Variants in ADCY3 observed in about 807,000 individuals in gnomAD.
The protein encoded by ADCY3 is adenylate cyclase 3.
ADCY3 carries 70 observed loss-of-function variants against 119.4 expected under a neutral mutation model. The ratio of observed to expected loss-of-function variants is 0.59; its 90% CI spans 0.48 to 0.72. The LOEUF is 0.72. Among genes scored for constraint, ADCY3 ranks in the 30% least tolerant of loss-of-function variants. The probability of loss-of-function intolerance (pLI) is 0.00; values close to 1 mark genes in which losing one functional copy is unlikely to be tolerated. For synonymous variants in ADCY3, 672 were observed against 621.4 expected (o/e 1.08, Z -1.21); for missense variants, 1,238 against 1,541.6 (o/e 0.80, Z 3.30).
At chr2:24,881,966 G>A (rs771115299) in intron 2 of ADCY3, among the ~76,000 whole-genome samples, 7 of 152,240 alleles carry the variant, frequency 4.6e-5, no homozygotes, top group Non-Finnish European at 1.0e-4. Context: ...CGGAGCCAAC[G>A]TCAAGAAACC....
chr2:24,825,974 T>C, intron 16 of ADCY3, 71 bp downstream of exon 16: 2 of 1,464,830 alleles, frequency 1.4e-6, no homozygotes, highest in Non-Finnish European at 1.9e-6. Flanking sequence ...GGCTCTTAGG[T>C]CCCAGGGCTG....
At chr2:24,845,896 C>T (rs1040438691) in intron 3 of ADCY3, among the ~76,000 whole-genome samples, 15 of 152,254 alleles carry the variant, frequency 9.9e-5, no homozygotes, top group African/African-American at 3.1e-4. Context: ...CCGCTCCAGC[C>T]GTGGCCGAAA....
chr2:24,884,697 G>T (rs1269190945), intron 2 of ADCY3, among the ~76,000 whole-genome samples: 2 of 151,926 alleles, frequency 1.3e-5, no homozygotes, highest in African/African-American at 4.8e-5. Context: ...GGCTGGTCTT[G>T]AACTCCTGAC....
chr2:24,834,333 T>C lies in ADCY3; in HGVS notation c.1967+152A>G. On this transcript the variant is annotated intron_variant, in intron 11 of 21. Transcript: ENST00000679454. The surrounding 1 kb of genome is among the most constrained non-coding windows in gnomAD (Gnocchi z 4.2). Reference sequence around the variant, plus strand: ...TGCCCAGGGTGCCGTCTAGCACTCCTGGGGCCTGTGGGGGCCGTCCCAGTG... The same window carrying C: ...TGCCCAGGGTGCCGTCTAGCACTCCCGGGGCCTGTGGGGGCCGTCCCAGTG... 3.2e-6 allele frequency: 3 copies of C among 947,710 alleles called. No homozygotes were observed. Among genetic ancestry groups the C allele is most frequent in the Non-Finnish European group, 4.6e-6 (3 of 650,824 alleles). The allele number at this position is 947,710 out of a possible 1,614,324, so 58.7% of individuals were successfully genotyped here.
chr2:24,833,630 G>T (rs13416733), intron 11 of ADCY3, among the ~76,000 whole-genome samples: 1 of 152,102 alleles, frequency 6.6e-6, no homozygotes, highest in Non-Finnish European at 1.5e-5. Flanking sequence ...CAAGTTTCAC[G>T]AGAGCAGGGG....
rs962010978 is a variant in ADCY3, at chr2:24,842,023, C to T, written c.956+231G>A. On this transcript the variant is annotated intron_variant, in intron 4 of 21. Transcript: ENST00000679454. This position sits in a 1 kb window ranked among gnomAD's most constrained non-coding sequence, Gnocchi z 4.9. ...GGTGACCTCACAGGAGTCCCTTCCCCGCTCCAGGTGATATCTGTTCTATGA... is the reference window on the plus strand; with the variant it reads ...GGTGACCTCACAGGAGTCCCTTCCCTGCTCCAGGTGATATCTGTTCTATGA... Among the ~76,000 whole-genome samples, 4 of 152,198 alleles carry T rather than the reference C, an allele frequency of 2.6e-5. No homozygotes were observed. Among genetic ancestry groups the T allele is most frequent in the African/African-American group, 4.8e-5 (2 of 41,444 alleles).
At chr2:24,843,167 C>T (rs970262248) in intron 3 of ADCY3, among the ~76,000 whole-genome samples, 2 of 152,220 alleles carry the variant, frequency 1.3e-5, no homozygotes, top group African/African-American at 4.8e-5. Context: ...AGAAACATGG[C>T]TTGAGAGCTG....
chr2:24,824,257 C>T, intron 17 of ADCY3, 121 bp downstream of exon 17: 1 of 1,293,472 alleles, frequency 7.7e-7, no homozygotes. Context: ...TTAGGTTCAG[C>T]CCTACCTAGG....
intron 12 of ADCY3, among the ~76,000 whole-genome samples, 157 bp downstream of exon 12, chr2:24,831,505 G>A (rs1455958019): frequency 6.6e-6 from 1 of 152,256 alleles, no homozygotes; most frequent in South Asian, 2.1e-4. Flanking sequence ...CTCTGCTGAT[G>A]GTGAATGAAT....
chr2:24,842,113 C>G lies in ADCY3; in HGVS notation c.956+141G>C, dbSNP rs576239747. 1.6e-6 allele frequency: 2 copies of G among 1,250,994 alleles called. No individual in the cohort carries two copies. Among genetic ancestry groups the G allele is most frequent in the Non-Finnish European group, 2.2e-6 (2 of 906,544 alleles). 77.5% of individuals were successfully genotyped at this position (1,250,994 alleles called of 1,614,324 possible). ...AACATCTGCTGGCAGCTTCCTCCGC[C>G]AGGCTGATGAATGCTGTGGGAGGCC... is the stretch of plus-strand genomic sequence containing the variant. On this transcript the variant is annotated intron_variant, in intron 4 of 21. Transcript: ENST00000679454. This position sits in a 1 kb window ranked among gnomAD's most constrained non-coding sequence, Gnocchi z 4.9.
At chr2:24,893,974 CTT>C (rs1352105024) in intron 2 of ADCY3, among the ~76,000 whole-genome samples, 1 of 152,128 alleles carries the variant, frequency 6.6e-6, no homozygotes, top group Non-Finnish European at 1.5e-5. Context: ...AAACTGTTGT[CTT>C]GTTTTTTGTC....
At chr2:24,837,945 G>A (rs1402753645) in intron 8 of ADCY3, among the ~76,000 whole-genome samples, 2 of 151,952 alleles carry the variant, frequency 1.3e-5, no homozygotes, top group Non-Finnish European at 2.9e-5. Flanking sequence ...ATGTGGCCCA[G>A]GGAAGCCGAA....
chr2:24,841,109 C>G lies in ADCY3; in HGVS notation c.1196+150G>C. The G allele has an allele frequency of 3.2e-6, 3 of 928,014 alleles. No individual in the cohort carries two copies. Among genetic ancestry groups the G allele is most frequent in the Non-Finnish European group, 4.6e-6 (3 of 651,780 alleles). 57.5% of individuals were successfully genotyped at this position (928,014 alleles called of 1,614,324 possible). Reference sequence around the variant, plus strand: ...CCAGCTTCTAGAGCGGGAGCCTGCGCCACCCATCAACCAGTGCTGTGTCCC... The same window carrying G: ...CCAGCTTCTAGAGCGGGAGCCTGCGGCACCCATCAACCAGTGCTGTGTCCC... On this transcript the variant is annotated intron_variant, in intron 6 of 21. Coordinates refer to ENST00000679454, the MANE Select transcript of ADCY3 (RefSeq NM_004036.5). This position sits in a 1 kb window ranked among gnomAD's most constrained non-coding sequence, Gnocchi z 5.8.
intron 15 of ADCY3, 53 bp downstream of exon 15, chr2:24,827,493 C>T: frequency 6.5e-7 from 1 of 1,546,550 alleles, no homozygotes; most frequent in Non-Finnish European, 8.8e-7. Flanking sequence ...ATATTCCTGT[C>T]TCTAGAAGAA....
intron 2 of ADCY3, among the ~76,000 whole-genome samples, chr2:24,887,272 C>T (rs1287799690): frequency 6.6e-6 from 1 of 152,138 alleles, no homozygotes. Flanking sequence ...GGGAAACCAC[C>T]CCATGATTCA....
Position 24,828,044 on chromosome 2 carries a change from C to T in ADCY3, c.2290G>A (p.Ala764Thr), listed in dbSNP as rs764647486. Residue 764 changes from alanine to threonine, a missense_variant, in exon 14 of 22, where the codon GCC (alanine) becomes ACC (threonine). Physicochemically the swap from Ala to Thr is moderately conservative, Grantham distance 58. Around this residue, in one of 7 missense-constraint regions of ADCY3, gnomAD observed 499 missense variants for 571.0 expected, o/e 0.87. Coordinates refer to ENST00000679454, the MANE Select transcript of ADCY3 (RefSeq NM_004036.5). ...YNYVAVLSLI[A>T]TIMLVQVSHM... ...CTGACCTGCACCAGCATGATGGTGG[C>T]GATGAGGGACAGCACGGCCACATAG... is the stretch of plus-strand genomic sequence containing the variant. The T allele has an allele frequency of 1.2e-5, 20 of 1,614,208 alleles. No individual in the cohort carries two copies. The highest frequency in any genetic ancestry group is 1.5e-5 in the Non-Finnish European group (18 of 1,180,040).
rs899166053 is a variant in ADCY3 at position 24,893,264 on chromosome 2, G to A, written c.676-20545C>T. 3.3e-5 allele frequency among the ~76,000 whole-genome samples: 5 copies of A among 152,218 alleles called. No homozygotes were observed. The East Asian group carries it at 5.8e-4, about 18-fold the overall frequency. On this transcript the variant is annotated intron_variant, in intron 2 of 21. Transcript: ENST00000679454. ...CTCATGCCTGTAGTCCCAGCTACTTGGGAGGCTGAGGGAGGAGAATCACTT... is the reference window on the plus strand; with the variant it reads ...CTCATGCCTGTAGTCCCAGCTACTTAGGAGGCTGAGGGAGGAGAATCACTT...
At chr2:24,879,043 G>A (rs1238495659) in intron 2 of ADCY3, among the ~76,000 whole-genome samples, 1 of 152,206 alleles carries the variant, frequency 6.6e-6, no homozygotes, top group Non-Finnish European at 1.5e-5. Context: ...AGATGGAGGG[G>A]CGGGAAGAGG....
In ADCY3 at chr2:24,855,254, A is replaced by G. The variant is rs578259767; in HGVS notation, c.826-12870T>C. ...TCTGAGGAAAGCTGCTATGTAGAAAAGGGACAAGACTTGCTTTGGAGGCCC... is the reference window on the plus strand; with the variant it reads ...TCTGAGGAAAGCTGCTATGTAGAAAGGGGACAAGACTTGCTTTGGAGGCCC... On this transcript the variant is annotated intron_variant, in intron 3 of 21. Coordinates refer to ENST00000679454, the MANE Select transcript of ADCY3 (RefSeq NM_004036.5). Among the ~76,000 whole-genome samples, 278 of 152,200 alleles carry G rather than the reference A, an allele frequency of 1.8e-3. 2 individuals are homozygous for G. The highest frequency in any genetic ancestry group is 6.3e-3 in the African/African-American group (260 of 41,496).
Sources: allele counts gnomAD v4.1 joint callset (sites outside exome capture counted in the v4.1 genomes callset), GRCh38; gene constraint gnomAD v4.1.1; regional missense constraint gnomAD v4.1.1; non-coding constraint Gnocchi (gnomAD v3.1); transcripts MANE v1.5; gene names NCBI Gene and HGNC (gene_info 2026-07-23, HGNC 2026-07-21).